Variants in SDK1 observed in about 807,000 individuals in gnomAD.
SDK1 encodes sidekick cell adhesion molecule 1.
A neutral mutation model predicts 245.5 loss-of-function variants in SDK1; 157 were observed. The observed-to-expected ratio is 0.64, with a 90% CI of 0.56 to 0.73. The LOEUF is 0.73. Ranked by LOEUF, SDK1 falls within the 30% of genes least tolerant of loss-of-function variation. The pLI is 0.00. For missense variants in SDK1, 3,583 were observed against 3,002.3 expected (o/e 1.19, Z -4.52); for synonymous variants, 1,647 against 1,278.5 (o/e 1.29, Z -6.15).
intron 5 of SDK1, among the ~76,000 whole-genome samples, chr7:3,895,215 G>A (rs1781571529): frequency 6.6e-6 from 1 of 152,154 alleles, no homozygotes; most frequent in Admixed American, 6.5e-5. Flanking sequence ...CATCATCACT[G>A]TAATAAATCA....
intron 44 of SDK1, among the ~76,000 whole-genome samples, chr7:4,252,864 C>G (rs1787402394): frequency 6.9e-6 from 1 of 144,214 alleles, no homozygotes; most frequent in South Asian, 2.4e-4. Flanking sequence ...CAGTGTCACT[C>G]ATTTGTGTCT....
At chr7:3,806,386 G>GTGGATGTCCACATTAGGACA (rs1562457068) in intron 4 of SDK1, among the ~76,000 whole-genome samples, 3 of 112,984 alleles carry the variant, frequency 2.7e-5, no homozygotes, top group African/African-American at 1.2e-4. Context: ...ACATTAGGAC[G>GTGGATGTCCACATTAGGACA]TGGATGTCCT....
rs1372384815 is a variant in SDK1, at chr7:3,571,172, T to C, written c.299-47908T>C. Among the ~76,000 whole-genome samples the C allele has an allele frequency of 2.0e-5, 3 of 152,108 alleles. 1 individual carries two copies. The highest frequency in any genetic ancestry group is 4.4e-5 in the Non-Finnish European group (3 of 67,982). On this transcript the variant is annotated intron_variant, in intron 1 of 44. Coordinates refer to ENST00000404826, the MANE Select transcript of SDK1 (RefSeq NM_152744.4). The stretch of plus-strand genomic sequence containing the variant: ...TACTGAAGTTGATAATTTACTTAAA[T>C]GTAATAGCTGAACTGCGTAAATTTT...
intron 19 of SDK1, among the ~76,000 whole-genome samples, chr7:4,058,277 G>A (rs993235402): frequency 6.6e-6 from 1 of 152,102 alleles, no homozygotes; most frequent in Non-Finnish European, 1.5e-5. Context: ...ACAATAGTAA[G>A]CTTCGGCAGT....
intron 1 of SDK1, among the ~76,000 whole-genome samples, chr7:3,370,695 G>C (rs1383807001): frequency 6.6e-6 from 1 of 152,190 alleles, no homozygotes; most frequent in Non-Finnish European, 1.5e-5. Flanking sequence ...GATTGCGAAT[G>C]GTCTTGGACT....
intron 21 of SDK1, among the ~76,000 whole-genome samples, chr7:4,078,158 A>G (rs1201910954): frequency 1.3e-5 from 2 of 152,154 alleles, no homozygotes; most frequent in South Asian, 2.1e-4. Flanking sequence ...ACCAAGGTGC[A>G]GGGAGGCACT....
intron 1 of SDK1, among the ~76,000 whole-genome samples, chr7:3,460,474 G>A (rs1044782549): frequency 1.3e-5 from 2 of 152,140 alleles, no homozygotes; most frequent in Admixed American, 6.6e-5. Flanking sequence ...AACTTTTTGT[G>A]CAGCTTAAAA....
intron 1 of SDK1, among the ~76,000 whole-genome samples, chr7:3,486,064 T>A (rs1272095059): frequency 6.6e-6 from 1 of 152,068 alleles, no homozygotes; most frequent in Admixed American, 6.5e-5. Context: ...TTCATTAAAA[T>A]CATCTATGCT....
chr7:4,065,694 G>GTTGTTTTTTT (rs1779841876), intron 19 of SDK1, among the ~76,000 whole-genome samples: 11 of 66,726 alleles, frequency 1.6e-4, no homozygotes, highest in African/African-American at 3.8e-4. Flanking sequence ...AGTGGTTGTT[G>GTTGTTTTTTT]TTTTTTTTTT....
intron 1 of SDK1, among the ~76,000 whole-genome samples, chr7:3,332,242 T>A (rs934028096): frequency 6.6e-6 from 1 of 152,206 alleles, no homozygotes; most frequent in African/African-American, 2.4e-5. Flanking sequence ...GTCTCCTTAT[T>A]TTATTCTCGA....
chr7:3,361,015 A>G (rs1441208947), intron 1 of SDK1, among the ~76,000 whole-genome samples: 1 of 152,232 alleles, frequency 6.6e-6, no homozygotes, highest in Non-Finnish European at 1.5e-5. Context: ...GTTGGGAGTT[A>G]CATCCATCAT....
intron 1 of SDK1, among the ~76,000 whole-genome samples, chr7:3,333,681 A>C (rs1037679086): frequency 2.0e-5 from 3 of 152,202 alleles, no homozygotes; most frequent in Admixed American, 2.0e-4. Context: ...CATGTGGCTC[A>C]GCACTTCTGG....
Position 3,684,835 on chromosome 7 carries a change from A to G in SDK1, c.713+42730A>G, listed in dbSNP as rs76924039. Among the ~76,000 whole-genome samples the G allele has an allele frequency of 4.3e-3, 659 of 152,318 alleles. 5 individuals are homozygous for G. Among genetic ancestry groups the G allele is most frequent in the African/African-American group, 0.015 (616 of 41,570 alleles). ...AAAGCAGAGAACTGAAAAATAGAAT[A>G]ACCAAAATAAAATACTCATTAGATG... On this transcript the variant is annotated intron_variant, in intron 4 of 44. Transcript: ENST00000404826.
intron 3 of SDK1, among the ~76,000 whole-genome samples, chr7:3,641,528 G>A (rs1205348086): frequency 6.6e-6 from 1 of 152,128 alleles, no homozygotes; most frequent in Non-Finnish European, 1.5e-5. Flanking sequence ...AAGGAAACAA[G>A]CTGAAGAGAG....
chr7:3,373,263 A>C (rs1781271656), intron 1 of SDK1, among the ~76,000 whole-genome samples: 1 of 152,236 alleles, frequency 6.6e-6, no homozygotes, highest in African/African-American at 2.4e-5. Flanking sequence ...CCTGTCTTAT[A>C]ATCAAGTGTT....
chr7:3,534,309 G>A (rs1475939683), intron 1 of SDK1, among the ~76,000 whole-genome samples: 2 of 152,054 alleles, frequency 1.3e-5, no homozygotes, highest in Admixed American at 1.3e-4. Flanking sequence ...GCATTTAGGT[G>A]CTTCTGTGTC....
intron 17 of SDK1, among the ~76,000 whole-genome samples, chr7:4,020,244 GT>G (rs1467275271): frequency 1.3e-5 from 2 of 152,150 alleles, no homozygotes; most frequent in African/African-American, 4.8e-5. Flanking sequence ...CGTGGCTGGG[GT>G]CAGGCACGTG....
intron 1 of SDK1, among the ~76,000 whole-genome samples, chr7:3,427,375 T>A (rs941225057): frequency 6.6e-6 from 1 of 151,854 alleles, no homozygotes; most frequent in Non-Finnish European, 1.5e-5. Flanking sequence ...AAAAATTGGC[T>A]GGGTGTGGTG....
chr7:4,100,430 G>A (rs1035217677), intron 22 of SDK1, among the ~76,000 whole-genome samples: 1 of 152,184 alleles, frequency 6.6e-6, no homozygotes, highest in Non-Finnish European at 1.5e-5. Flanking sequence ...GAGCACAGGG[G>A]GAGCTAAGGC....
Sources: allele counts gnomAD v4.1 joint callset (sites outside exome capture counted in the v4.1 genomes callset), GRCh38; gene constraint gnomAD v4.1.1; transcripts MANE v1.5; gene names NCBI Gene and HGNC (gene_info 2026-07-23, HGNC 2026-07-21).